FAM83G: variants seen among roughly 807,000 people sequenced by gnomAD.
FAM83G encodes the protein protein FAM83G.
In FAM83G, 38 loss-of-function variants were observed where a neutral mutation model predicts 61.5. That is an observed-to-expected ratio of 0.62 (90% CI 0.48 to 0.81). The LOEUF (loss-of-function observed/expected upper bound fraction) is 0.81. FAM83G is among the 30% of genes least tolerant of loss of function. The probability of loss-of-function intolerance (pLI) is 0.00; values close to 1 mark genes in which losing one functional copy is unlikely to be tolerated. For missense variants in FAM83G, 989 were observed against 1,133.6 expected, an observed-to-expected ratio of 0.87 and a Z score of 1.83; for synonymous variants, 470 against 476.1, an observed-to-expected ratio of 0.99 and a Z score of 0.17.
rs2043799975 is a variant in FAM83G, at chr17:19,003,774, G to A, written c.268C>T (p.Pro90Ser). The A allele has an allele frequency of 6.2e-7, 1 of 1,610,076 alleles. No individual in the cohort carries two copies. The highest frequency in any genetic ancestry group is 1.7e-4 in the Middle Eastern group (1 of 5,830). Residue 90 changes from proline (P) to serine (S), a missense_variant, in exon 2 of 6, where the codon CCC (proline) becomes TCC (serine). Coordinates refer to ENST00000388995, the MANE Select transcript of FAM83G (RefSeq NM_001039999.3). This position sits in a 1 kb window ranked among gnomAD's most constrained non-coding sequence, Gnocchi z 4.5. Reference sequence around the variant, plus strand: ...CCGTCGCCGACCCCATTGTCCTCGGGCCCCTGAGAGGGGCCCGTGCCCCGA... The same window carrying A: ...CCGTCGCCGACCCCATTGTCCTCGGACCCCTGAGAGGGGCCCGTGCCCCGA... ...DPRGTGPSQG[P>S]EDNGVGDGEE...
chr17:18,989,879 T>A (rs2043368569), intron 2 of FAM83G, among the ~76,000 whole-genome samples: 1 of 151,956 alleles, frequency 6.6e-6, no homozygotes, highest in Non-Finnish European at 1.5e-5. Flanking sequence ...TACCTCCGAG[T>A]CAGGTCAGGG....
rs903299842 is a variant in FAM83G, at chr17:18,988,536, C to A, written c.523-122G>T. On this transcript the variant is annotated intron_variant, in intron 2 of 5. Coordinates refer to ENST00000388995, the MANE Select transcript of FAM83G (RefSeq NM_001039999.3). ...CTCACAGGTGCCCACTCTGGCCCTA[C>A]TCCTGGAGCCTCAGGCCCGGGACCA... The A allele has an allele frequency of 1.3e-5, 19 of 1,477,192 alleles. No homozygotes were observed. The Admixed American group carries it at 4.0e-4, about 31-fold the overall frequency. The allele number at this position is 1,477,192 out of a possible 1,614,324, so 91.5% of individuals were successfully genotyped here.
chr17:19,001,665 C>G (rs1030582420), intron 2 of FAM83G, among the ~76,000 whole-genome samples: 1 of 152,208 alleles, frequency 6.6e-6, no homozygotes, highest in African/African-American at 2.4e-5. Context: ...TTGTGGGAAG[C>G]AAAGGAAGCT....
intron 3 of FAM83G, among the ~76,000 whole-genome samples, chr17:18,985,240 A>G (rs1030944541): frequency 1.3e-5 from 2 of 152,176 alleles, no homozygotes; most frequent in Non-Finnish European, 2.9e-5. Context: ...TTCACTCTTC[A>G]CAGCACCCCT....
rs550765572 is a variant in FAM83G at position 18,970,943 on chromosome 17, CA to C, written c.*415del. 3.1e-4 allele frequency: 446 copies of C among 1,459,696 alleles called. 2 individuals carry two copies. The highest frequency in any genetic ancestry group is 3.9e-4 in the Non-Finnish European group (410 of 1,045,042). 90.4% of individuals were successfully genotyped at this position (1,459,696 alleles called of 1,614,324 possible). A position where few individuals can be genotyped will look rare whatever the true frequency, so the allele number is the denominator to read the frequency against. On this transcript the variant is annotated 3_prime_UTR_variant, in exon 6 of 6. Transcript: ENST00000388995. ...CAGGAAGTTTCTTGTGAGATGAAGG[CA>C]GGGGGGAGCCCAGGGAGTCAGGGCC... is the stretch of plus-strand genomic sequence containing the variant.
chr17:18,976,828 C>G (rs748241996), intron 5 of FAM83G: 4 of 1,611,390 alleles, frequency 2.5e-6, no homozygotes, highest in Non-Finnish European at 3.4e-6. Context: ...GGCTTGGACT[C>G]ACCCCGTCTC....
intron 2 of FAM83G, among the ~76,000 whole-genome samples, chr17:18,999,151 A>G (rs8076485): frequency 0.15 from 23,248 of 152,060 alleles, 3,653 homozygotes; most frequent in East Asian, 0.4. Context: ...GGTGGCGCAC[A>G]CCTGTAATTC....
chr17:18,999,318 A>G (rs1308010601), intron 2 of FAM83G, among the ~76,000 whole-genome samples: 1 of 150,768 alleles, frequency 6.6e-6, no homozygotes, highest in Non-Finnish European at 1.5e-5. Context: ...TACTGTCCTG[A>G]GTCAACAGGA....
In FAM83G at chr17:18,988,479, C is replaced by G; in HGVS notation, c.523-65G>C. 1.9e-6 allele frequency: 3 copies of G among 1,586,554 alleles called. No individual in the cohort carries two copies. The South Asian group carries it at 3.4e-5, about 18-fold the overall frequency. ...CAGCAGTGGGGACAGGGTGCCCTGGCAGAGCGCACAGCCCTCCCATGCCAC... is the reference window on the plus strand; with the variant it reads ...CAGCAGTGGGGACAGGGTGCCCTGGGAGAGCGCACAGCCCTCCCATGCCAC... On this transcript the variant is annotated intron_variant, in intron 2 of 5. Transcript: ENST00000388995.
At chr17:18,972,912 A>G (rs1373014528) in intron 5 of FAM83G, among the ~76,000 whole-genome samples, 1 of 151,812 alleles carries the variant, frequency 6.6e-6, no homozygotes, top group Non-Finnish European at 1.5e-5. Context: ...GAGCTATCAG[A>G]AGCTCTGGAA....
chr17:19,003,753 C>A lies in FAM83G; in HGVS notation c.289G>T (p.Asp97Tyr). The change falls in exon 2 of 6, where the codon GAC becomes TAC. Residue 97 changes from aspartate to tyrosine, a missense_variant. By Grantham distance (160) the Asp-to-Tyr change is radical (BLOSUM62 -3). Transcript: ENST00000388995. This position sits in a 1 kb window ranked among gnomAD's most constrained non-coding sequence, Gnocchi z 4.5. Reference sequence around the variant, plus strand: ...TCCGCCCCGCTGGCTTCCTCGCCGTCGCCGACCCCATTGTCCTCGGGCCCC... The same window carrying A: ...TCCGCCCCGCTGGCTTCCTCGCCGTAGCCGACCCCATTGTCCTCGGGCCCC... ...SQGPEDNGVG[D>Y]GEEASGADGV... 2 of 1,606,474 alleles carry A rather than the reference C, an allele frequency of 1.2e-6. No individual in the cohort carries two copies. The highest frequency in any genetic ancestry group is 1.7e-6 in the Non-Finnish European group (2 of 1,176,600).
At chr17:18,977,413 G>A (rs1819546233) in intron 5 of FAM83G, 171 bp downstream of exon 5, 1 of 664,752 alleles carries the variant, frequency 1.5e-6, no homozygotes. Context: ...CCTTCCATAT[G>A]GCCCTGGCCG....
intron 3 of FAM83G, among the ~76,000 whole-genome samples, 154 bp downstream of exon 3, chr17:18,988,093 C>A (rs1205556821): frequency 6.6e-6 from 1 of 152,244 alleles, no homozygotes; most frequent in Non-Finnish European, 1.5e-5. Context: ...CAAGCAGTGG[C>A]TATGTGACTG....
In FAM83G at chr17:19,004,131, G is replaced by A; in HGVS notation, c.-90C>T. The A allele has an allele frequency of 4.6e-6, 6 of 1,310,514 alleles. No individual in the cohort carries two copies. In the South Asian group the frequency reaches 7.2e-5, roughly 16 times the overall value. 81.2% of individuals were successfully genotyped at this position (1,310,514 alleles called of 1,614,324 possible). On this transcript the variant is annotated 5_prime_UTR_variant, in exon 2 of 6. Transcript: ENST00000388995. This position sits in a 1 kb window ranked among gnomAD's most constrained non-coding sequence, Gnocchi z 5.4. The stretch of plus-strand genomic sequence containing the variant: ...CCAGCTGGGGCACCGCGCGCTCGGG[G>A]GCCTCTCCGCGGCCTCTGCTTCTCT...
rs1331680404 is a variant in FAM83G at position 18,988,243 on chromosome 17, T to C, written c.690+4A>G. ...CCACCCAGGCAAGTGAGGAGCCTGCTCACCTTGAGGTGCCCCAGGTGCATG... is the reference window on the plus strand; with the variant it reads ...CCACCCAGGCAAGTGAGGAGCCTGCCCACCTTGAGGTGCCCCAGGTGCATG... On this transcript the variant is annotated splice_donor_region_variant and intron_variant, in intron 3 of 5. Coordinates refer to ENST00000388995, the MANE Select transcript of FAM83G (RefSeq NM_001039999.3). 1.2e-6 allele frequency: 2 copies of C among 1,606,288 alleles called. No homozygotes were observed. The highest frequency in any genetic ancestry group is 4.5e-5 in the East Asian group (2 of 44,624).
chr17:18,971,911 G>A lies in FAM83G; in HGVS notation c.2083-163C>T, dbSNP rs1489097079. On this transcript the variant is annotated intron_variant, in intron 5 of 5. Coordinates refer to ENST00000388995, the MANE Select transcript of FAM83G (RefSeq NM_001039999.3). This position sits in a 1 kb window ranked among gnomAD's most constrained non-coding sequence, Gnocchi z 5.5. ...AGACCAGTTGGTTTAGTCACTCGATGCCTCAGTTCCCCTGTCTGTAATATG... is the reference window on the plus strand; with the variant it reads ...AGACCAGTTGGTTTAGTCACTCGATACCTCAGTTCCCCTGTCTGTAATATG... Among the ~76,000 whole-genome samples the A allele has an allele frequency of 6.6e-6, 1 of 152,228 alleles. No individual in the cohort carries two copies. Among genetic ancestry groups the A allele is most frequent in the Non-Finnish European group, 1.5e-5 (1 of 68,034 alleles).
At chr17:18,975,871 T>A (rs963303257) in intron 5 of FAM83G, 3 of 152,052 alleles carry the variant, frequency 2.0e-5, no homozygotes, top group African/African-American at 7.2e-5. Flanking sequence ...GGTCTGTGAA[T>A]ATCTCAATAA....
Position 18,978,304 on chromosome 17 carries a change from C to A in FAM83G, c.1362G>T (p.Gln454His). 1.9e-6 allele frequency: 3 copies of A among 1,610,980 alleles called. No homozygotes were observed. The highest frequency in any genetic ancestry group is 2.5e-6 in the Non-Finnish European group (3 of 1,178,878). Residue 454 changes from glutamine (Q) to histidine (H), a missense_variant, in exon 5 of 6, where the codon CAG becomes CAT. This residue lies in a region of FAM83G where 574 missense variants were observed against 645.1 expected (regional missense o/e 0.89). Coordinates refer to ENST00000388995, the MANE Select transcript of FAM83G (RefSeq NM_001039999.3). The part of the protein sequence containing the change: ...MNRIKIRDTS[Q>H]ASAQHQLWKQ... ...TCCACAGCTGGTGCTGGGCGCTGGC[C>A]TGGGAGGTGTCACGGATCTTGATGC...
At position 19,003,602 on chromosome 17, in the gene FAM83G, G is replaced by A. The variant is rs1369514824; in HGVS notation, c.440C>T (p.Ala147Val). 2.5e-6 allele frequency: 4 copies of A among 1,611,002 alleles called. No homozygotes were observed. Among genetic ancestry groups the A allele is most frequent in the Non-Finnish European group, 3.4e-6 (4 of 1,178,840 alleles). ...TATGGGGGGCTGCATGTAGACGCTA[G>A]CCCGGGTCACGCCGCGGTAGGCGAT... is the stretch of plus-strand genomic sequence containing the variant. ...DTIAYRGVTR[A>V]SVYMQPPIDG... The change falls in exon 2 of 6, where the codon GCT (alanine) becomes GTT (valine). Residue 147 changes from alanine to valine, a missense_variant. By Grantham distance (64) the Ala-to-Val change is moderately conservative (BLOSUM62 0). This residue lies in a region of FAM83G where 371 missense variants were observed against 404.5 expected (regional missense o/e 0.92). Coordinates refer to ENST00000388995, the MANE Select transcript of FAM83G (RefSeq NM_001039999.3). This position sits in a 1 kb window ranked among gnomAD's most constrained non-coding sequence, Gnocchi z 4.5.
Sources: gnomAD v4.1 joint callset for allele counts (sites outside exome capture counted in the v4.1 genomes callset) on GRCh38, gnomAD v4.1.1 for gene constraint, gnomAD v4.1.1 regional missense constraint, Gnocchi (gnomAD v3.1) non-coding constraint, MANE v1.5 for transcripts, NCBI Gene and HGNC (gene_info 2026-07-23, HGNC 2026-07-21) for gene names.